The following DLG2 variants were observed in gnomAD, a reference collection of about 807,000 sequenced individuals.
The protein encoded by DLG2 is disks large homolog 2.
In DLG2, 45 loss-of-function variants were observed where a neutral mutation model predicts 132.5. The ratio of observed to expected loss-of-function variants is 0.34; its 90% CI spans 0.27 to 0.44. DLG2 has a LOEUF of 0.44. Ranked by LOEUF, DLG2 falls within the 20% of genes least tolerant of loss-of-function variation. The pLI, the probability that DLG2 is intolerant of heterozygous loss-of-function variation, is 1.00. For missense variants in DLG2, 1,045 were observed against 1,196.9 expected, an observed-to-expected ratio of 0.87 and a Z score of 1.87; for synonymous variants, 424 against 419.6, an observed-to-expected ratio of 1.01 and a Z score of -0.13.
chr11:83,768,220 T>A (rs1378212281), intron 18 of DLG2, among the ~76,000 whole-genome samples: 1 of 152,190 alleles, frequency 6.6e-6, no homozygotes, highest in East Asian at 1.9e-4. Context: ...ACATCTTTTA[T>A]ATACATTTGA....
At chr11:85,401,778 A>C (rs1422112139) in intron 3 of DLG2, among the ~76,000 whole-genome samples, 1 of 152,204 alleles carries the variant, frequency 6.6e-6, no homozygotes, top group South Asian at 2.1e-4. Flanking sequence ...AATACAACTT[A>C]CAAAGGATGT....
chr11:85,570,484 G>C (rs115334448), intron 3 of DLG2, among the ~76,000 whole-genome samples: 9 of 152,076 alleles, frequency 5.9e-5, no homozygotes, highest in African/African-American at 2.2e-4. Flanking sequence ...TTGTACTAAT[G>C]AGTTGCTTCT....
At chr11:85,136,375 G>A (rs1307681807) in intron 5 of DLG2, among the ~76,000 whole-genome samples, 1 of 152,006 alleles carries the variant, frequency 6.6e-6, no homozygotes, top group Non-Finnish European at 1.5e-5. Context: ...CCTTATCTTT[G>A]ATTGATTTTC....
intron 3 of DLG2, among the ~76,000 whole-genome samples, chr11:85,485,251 T>C (rs1038591472): frequency 5.3e-5 from 8 of 152,068 alleles, no homozygotes; most frequent in African/African-American, 1.9e-4. Flanking sequence ...TACCTAATGC[T>C]AGATGACGAG....
intron 15 of DLG2, among the ~76,000 whole-genome samples, chr11:83,918,797 CT>C (rs1672365080): frequency 6.6e-6 from 1 of 151,858 alleles, no homozygotes; most frequent in Non-Finnish European, 1.5e-5. Flanking sequence ...TAACATGAGA[CT>C]CCCCTCTGTG....
At chr11:84,906,462 C>T (rs897051454) in intron 6 of DLG2, among the ~76,000 whole-genome samples, 3 of 150,622 alleles carry the variant, frequency 2.0e-5, no homozygotes, top group Admixed American at 6.6e-5. Context: ...TCAGGGAAGA[C>T]GGGATGATGG....
chr11:83,634,696 TA>T (rs1412155823), intron 18 of DLG2, among the ~76,000 whole-genome samples: 7 of 152,230 alleles, frequency 4.6e-5, no homozygotes, highest in Non-Finnish European at 5.9e-5. Context: ...AAAAGTTCTA[TA>T]AAATGTAATT....
intron 6 of DLG2, among the ~76,000 whole-genome samples, chr11:85,079,394 C>T (rs1392415991): frequency 2.0e-5 from 3 of 151,946 alleles, no homozygotes; most frequent in Non-Finnish European, 4.4e-5. Flanking sequence ...AACCCATTCC[C>T]ATCATGGCCT....
chr11:85,487,613 TAATC>T (rs1449193404), intron 3 of DLG2, among the ~76,000 whole-genome samples: 2 of 151,810 alleles, frequency 1.3e-5, no homozygotes, highest in Non-Finnish European at 2.9e-5. Context: ...TATTTTGAAA[TAATC>T]CAGTCAGACA....
At chr11:83,747,366 GTC>G (rs112374522) in intron 18 of DLG2, among the ~76,000 whole-genome samples, 132 of 131,192 alleles carry the variant, frequency 1.0e-3, no homozygotes, top group East Asian at 4.8e-3. Context: ...CTTCCTTCCT[GTC>G]TCTCTCTCTC....
chr11:83,936,230 C>T (rs940387041), intron 14 of DLG2, among the ~76,000 whole-genome samples: 4 of 152,188 alleles, frequency 2.6e-5, no homozygotes, highest in Non-Finnish European at 4.4e-5. Flanking sequence ...CTTTTAGTCT[C>T]GCAAAAGGTA....
rs376571183 is a variant in DLG2, at chr11:84,940,238, C to G, written c.357+171423G>C. ...CAATCTCAGCTCACTGCAACCCCCG[C>G]CTCCTGGGTTCAAACGATTCTCCTG... On this transcript the variant is annotated intron_variant, in intron 6 of 27. Coordinates refer to ENST00000376104, the MANE Select transcript of DLG2 (RefSeq NM_001142699.3). Among the ~76,000 whole-genome samples, 28 of 152,346 alleles carry G rather than the reference C, an allele frequency of 1.8e-4. No individual in the cohort carries two copies. In the East Asian group the frequency reaches 4.6e-3, roughly 25 times the overall value.
chr11:83,487,358 AC>A (rs2093584797), intron 21 of DLG2, among the ~76,000 whole-genome samples: 1 of 152,096 alleles, frequency 6.6e-6, no homozygotes. Flanking sequence ...CTTATGTGCC[AC>A]ATTTGGTTCC....
At chr11:85,021,121 G>A (rs777122966) in intron 6 of DLG2, 6 of 793,456 alleles carry the variant, frequency 7.6e-6, no homozygotes, top group Non-Finnish European at 1.4e-5. Flanking sequence ...AGAGTCATCT[G>A]CTTTCAACTT....
intron 4 of DLG2, among the ~76,000 whole-genome samples, chr11:85,196,677 C>A (rs1049280049): frequency 3.3e-5 from 5 of 152,350 alleles, no homozygotes; most frequent in Non-Finnish European, 5.9e-5. Flanking sequence ...CTGACTTAAG[C>A]ATTTACTTAT....
At chr11:85,597,628 A>G (rs965105794) in intron 3 of DLG2, among the ~76,000 whole-genome samples, 4 of 151,838 alleles carry the variant, frequency 2.6e-5, no homozygotes, top group Non-Finnish European at 4.4e-5. Context: ...TTCAAAATTG[A>G]ATAATTTTTA....
intron 7 of DLG2, among the ~76,000 whole-genome samples, chr11:84,520,582 C>T (rs1294166987): frequency 2.0e-5 from 3 of 152,156 alleles, no homozygotes; most frequent in African/African-American, 4.8e-5. Flanking sequence ...TTCCCCTCTG[C>T]GCCCCCACCC....
At chr11:84,875,431 G>A (rs545071180) in intron 6 of DLG2, among the ~76,000 whole-genome samples, 82 of 151,652 alleles carry the variant, frequency 5.4e-4, no homozygotes, top group Non-Finnish European at 1.0e-3. Flanking sequence ...TGTACACATG[G>A]ACATGACTAA....
At chr11:84,608,146 T>C (rs1044229857) in intron 6 of DLG2, among the ~76,000 whole-genome samples, 2 of 152,104 alleles carry the variant, frequency 1.3e-5, no homozygotes, top group African/African-American at 2.4e-5. Flanking sequence ...AGCACCAGGA[T>C]CCAATTCCTC....
Sources: allele counts gnomAD v4.1 joint callset (sites outside exome capture counted in the v4.1 genomes callset), GRCh38; gene constraint gnomAD v4.1.1; transcripts MANE v1.5; gene names NCBI Gene and HGNC (gene_info 2026-07-23, HGNC 2026-07-21).